The following TRIM55 variants were observed in gnomAD, a reference collection of about 807,000 sequenced individuals.
The protein encoded by TRIM55 is tripartite motif-containing protein 55.
TRIM55 carries 50 observed loss-of-function variants against 60.9 expected under a neutral mutation model. The observed-to-expected ratio is 0.82, with a 90% CI of 0.65 to 1.04. The LOEUF is 1.04. Ranked by LOEUF, TRIM55 falls within the 50% of genes least tolerant of loss-of-function variation. The pLI is 0.00. For synonymous variants in TRIM55, 237 were observed against 238.1 expected (o/e 1.00, Z 0.04); for missense variants, 681 against 666.9 (o/e 1.02, Z -0.23).
chr8:66,113,633 T>C, the TRIM55 span: 16 of 455,176 alleles, frequency 3.5e-5, no homozygotes, highest in African/African-American at 3.0e-4. Flanking sequence ...CGGGAACGTG[T>C]CCGGGCAGGT....
chr8:66,146,771 G>C (rs1044622618), intron 4 of TRIM55, among the ~76,000 whole-genome samples: 1 of 152,158 alleles, frequency 6.6e-6, no homozygotes, highest in East Asian at 1.9e-4. Flanking sequence ...TCAGTTTCTA[G>C]GCCTGGTTGA....
chr8:66,173,424 C>T (rs1340700261), intron 9 of TRIM55, among the ~76,000 whole-genome samples: 2 of 152,206 alleles, frequency 1.3e-5, no homozygotes, highest in African/African-American at 4.8e-5. Flanking sequence ...AGTAAAACAA[C>T]ATACTTAACC....
chr8:66,120,612 G>T, the TRIM55 span, among the ~76,000 whole-genome samples: 307 of 152,246 alleles, frequency 2.0e-3, 1 homozygote, highest in Middle Eastern at 6.8e-3. Context: ...AGAAGCTCGG[G>T]TGACCTTCCC....
chr8:66,135,161 A>C lies in TRIM55; in HGVS notation c.507+6A>C. ...ATGTGTTCCAGAGACAGAAGGTAAC[A>C]GAGCTGCTCCCTCCCTCCCGCAACC... is the stretch of plus-strand genomic sequence containing the variant. On this transcript the variant is annotated splice_donor_region_variant and intron_variant, in intron 3 of 9. Transcript: ENST00000315962. 1 of 1,613,984 alleles carries C rather than the reference A, an allele frequency of 6.2e-7. No individual in the cohort carries two copies.
intron 7 of TRIM55, 96 bp from the exon 8 acceptor site, chr8:66,152,281 C>G: frequency 6.8e-7 from 1 of 1,464,698 alleles, no homozygotes; most frequent in Non-Finnish European, 9.0e-7. Flanking sequence ...AACTCCCCAG[C>G]CTTGACCTTA....
chr8:66,161,980 C>G (rs1811078245), intron 9 of TRIM55, among the ~76,000 whole-genome samples: 1 of 152,084 alleles, frequency 6.6e-6, no homozygotes, highest in African/African-American at 2.4e-5. Flanking sequence ...AATAGTTTGA[C>G]TTCCTCTTTA....
intron 9 of TRIM55, among the ~76,000 whole-genome samples, chr8:66,172,423 C>T (rs550191272): frequency 1.3e-5 from 2 of 152,182 alleles, no homozygotes; most frequent in East Asian, 1.9e-4. Flanking sequence ...GATAACCCCC[C>T]ACTCTGGTAC....
chr8:66,162,397 A>C (rs2128984552), intron 9 of TRIM55, among the ~76,000 whole-genome samples: 1 of 151,908 alleles, frequency 6.6e-6, no homozygotes, highest in East Asian at 1.9e-4. Context: ...CTAAATTTTT[A>C]ATATGCTGTT....
chr8:66,130,006 T>G, intron 2 of TRIM55, among the ~76,000 whole-genome samples: 1 of 152,242 alleles, frequency 6.6e-6, no homozygotes. Flanking sequence ...TCCCAGCTGA[T>G]TAAGCAACAC....
the TRIM55 span, among the ~76,000 whole-genome samples, chr8:66,121,874 C>G: frequency 1.3e-5 from 2 of 152,094 alleles, no homozygotes; most frequent in East Asian, 3.9e-4. Context: ...GTTTTCATGT[C>G]CCTGCGCAGG....
At chr8:66,142,402 C>T (rs1002815108) in intron 4 of TRIM55, among the ~76,000 whole-genome samples, 1 of 152,152 alleles carries the variant, frequency 6.6e-6, no homozygotes, top group Non-Finnish European at 1.5e-5. Flanking sequence ...ATATAGGCAA[C>T]CAAGGGAGAC....
intron 1 of TRIM55, 128 bp from the exon 2 acceptor site, chr8:66,128,176 A>G: frequency 1.1e-6 from 1 of 878,312 alleles, no homozygotes; most frequent in Non-Finnish European, 1.7e-6. Flanking sequence ...GAAAGCCCTG[A>G]GGGATGATCT....
chr8:66,154,098 G>C lies in TRIM55; in HGVS notation c.1288G>C (p.Val430Leu). 6.2e-7 allele frequency: 1 copy of C among 1,613,970 alleles called. No homozygotes were observed. The highest frequency in any genetic ancestry group is 8.5e-7 in the Non-Finnish European group (1 of 1,179,992). ...SEQTTESETP[V>L]PAAAETADPL... ...GCAGACCACAGAGTCTGAAACTCCA[G>C]TCCCTGCAGCAGCAGAAACTGCGGA... Residue 430 changes from valine (V) to leucine (L), a missense_variant, in exon 9 of 10, where the codon GTC becomes CTC. Transcript: ENST00000315962.
At chr8:66,149,986 C>A (rs1810319510) in intron 5 of TRIM55, 108 bp downstream of exon 5, 1 of 1,018,870 alleles carries the variant, frequency 9.8e-7, no homozygotes. Context: ...TTTATTTTAC[C>A]AACTAAAATA....
chr8:66,120,957 C>T, the TRIM55 span, among the ~76,000 whole-genome samples: 1 of 152,184 alleles, frequency 6.6e-6, no homozygotes, highest in African/African-American at 2.4e-5. Flanking sequence ...AGACCATGCC[C>T]TTTACTTGTG....
At chr8:66,163,373 T>A (rs1474266564) in intron 9 of TRIM55, among the ~76,000 whole-genome samples, 1 of 152,242 alleles carries the variant, frequency 6.6e-6, no homozygotes, top group African/African-American at 2.4e-5. Flanking sequence ...ATTATTGACA[T>A]GAGATTTTTC....
the TRIM55 span, chr8:66,113,566 T>C: frequency 5.3e-5 from 24 of 456,304 alleles, no homozygotes; most frequent in African/African-American, 4.2e-4. Context: ...TCTAGCGCTT[T>C]CTCCCCATTT....
chr8:66,141,006 G>T (rs749561764), intron 4 of TRIM55, among the ~76,000 whole-genome samples: 12 of 152,230 alleles, frequency 7.9e-5, no homozygotes, highest in Non-Finnish European at 1.0e-4. Context: ...ACTGACACCT[G>T]CCCCAGAGCC....
At position 66,128,553 on chromosome 8, in the gene TRIM55, C is replaced by G; in HGVS notation, c.341+77C>G. On this transcript the variant is annotated intron_variant, in intron 2 of 9. Coordinates refer to ENST00000315962, the MANE Select transcript of TRIM55 (RefSeq NM_184085.2). ...GTTTGTTTGTTTTAATGGGTTGCTA[C>G]GCTGAATGCTTGTTTATCAATCACA... 3.5e-6 allele frequency: 5 copies of G among 1,448,650 alleles called. No homozygotes were observed. The South Asian group carries it at 6.2e-5, about 18-fold the overall frequency. 89.7% of individuals were successfully genotyped at this position (1,448,650 alleles called of 1,614,324 possible).
Sources: gnomAD v4.1 joint callset for allele counts (sites outside exome capture counted in the v4.1 genomes callset) on GRCh38, gnomAD v4.1.1 for gene constraint, MANE v1.5 for transcripts, NCBI Gene and HGNC (gene_info 2026-07-23, HGNC 2026-07-21) for gene names.